Variants in PECR observed in about 807,000 individuals in gnomAD.
PECR encodes peroxisomal trans-2-enoyl-CoA reductase.
Under a neutral mutation model 35.3 loss-of-function variants are expected in PECR, and 30 were observed. The observed-to-expected ratio is 0.85, with a 90% CI of 0.64 to 1.15. The LOEUF is 1.15. Among genes scored for constraint, PECR ranks in the 50% most tolerant of loss-of-function variants. PECR has a pLI of 0.00. For synonymous variants in PECR, 148 were observed against 138.9 expected (o/e 1.07, Z -0.46); for missense variants, 392 against 370.8 (o/e 1.06, Z -0.47).
At chr2:216,066,964 A>G (rs1695479929) in intron 1 of PECR, among the ~76,000 whole-genome samples, 1 of 152,182 alleles carries the variant, frequency 6.6e-6, no homozygotes, top group East Asian at 1.9e-4. Context: ...AAAAAATTGG[A>G]CAAAATATAT....
chr2:216,050,454 C>A (rs1328575952), intron 5 of PECR, among the ~76,000 whole-genome samples: 1 of 152,116 alleles, frequency 6.6e-6, no homozygotes, highest in Non-Finnish European at 1.5e-5. Flanking sequence ...AAAATTTGAT[C>A]ATTTAACCAA....
Position 216,038,754 on chromosome 2 carries a change from G to GT in PECR, c.*520dup, listed in dbSNP as rs908778362. On this transcript the variant is annotated 3_prime_UTR_variant, in exon 8 of 8. Transcript: ENST00000265322. ...GCCTCCCAAGTACCTGGGACTACAG[G>GT]TGTGTGCCACCACACCCGACTAATT... 9 of 164,788 alleles carry GT rather than the reference G, an allele frequency of 5.5e-5. No homozygotes were observed. Among genetic ancestry groups the GT allele is most frequent in the Non-Finnish European group, 1.2e-4 (9 of 75,844 alleles). The allele number at this position is 164,788 out of a possible 1,614,324, so 10.2% of individuals were successfully genotyped here.
intron 1 of PECR, among the ~76,000 whole-genome samples, chr2:216,079,250 G>A (rs961906103): frequency 1.4e-5 from 2 of 145,722 alleles, no homozygotes; most frequent in Admixed American, 6.9e-5. Context: ...TAATTTAGAT[G>A]TTCATTAAAA....
downstream of PECR, chr2:216,034,191 C>A (rs1300624915): frequency 6.6e-6 from 1 of 152,160 alleles, no homozygotes; most frequent in Non-Finnish European, 1.5e-5. Context: ...TGAGCCAAGC[C>A]CCAGGTCATG....
In PECR at chr2:216,081,693, G is replaced by A; in HGVS notation, c.49C>T (p.Gln17Ter). ...GRSYLAPGLL[Q>*]GQVAIVTGGA... ...CCGGTGACGATGGCCACTTGGCCCT[G>A]CAGCAAACCAGGCGCCAGGTAGCTC... Residue 17 changes from glutamine to a stop codon, truncating the protein, a stop_gained, in exon 1 of 8, where the codon CAG becomes TAG. Coordinates refer to ENST00000265322, the MANE Select transcript of PECR (RefSeq NM_018441.6). LOFTEE classifies it high-confidence loss of function. 6.2e-7 allele frequency: 1 copy of A among 1,613,656 alleles called. No homozygotes were observed. The highest frequency in any genetic ancestry group is 8.5e-7 in the Non-Finnish European group (1 of 1,179,922).
chr2:216,068,152 G>A (rs1249359562), intron 1 of PECR, among the ~76,000 whole-genome samples: 3 of 149,818 alleles, frequency 2.0e-5, no homozygotes, highest in Non-Finnish European at 4.4e-5. Flanking sequence ...GCTTGAACCC[G>A]GGAGGCAGAT....
intron 1 of PECR, among the ~76,000 whole-genome samples, chr2:216,071,101 G>T (rs771872256): frequency 3.3e-5 from 5 of 152,102 alleles, no homozygotes; most frequent in Non-Finnish European, 7.4e-5. Context: ...TGGGGGAACC[G>T]GGCCCATGGT....
intron 1 of PECR, 132 bp downstream of exon 1, chr2:216,081,486 C>T: frequency 4.6e-6 from 5 of 1,095,950 alleles, no homozygotes; most frequent in Non-Finnish European, 7.0e-6. Context: ...GTCGTAATTT[C>T]GCCCACACCT....
At chr2:216,047,720 C>T (rs921007800) in intron 6 of PECR, among the ~76,000 whole-genome samples, 1 of 151,806 alleles carries the variant, frequency 6.6e-6, no homozygotes, top group Non-Finnish European at 1.5e-5. Context: ...GTAATCCTCC[C>T]ATTATTCATT....
At chr2:216,064,869 CCACG>C (rs1695432314) in intron 3 of PECR, among the ~76,000 whole-genome samples, 1 of 152,090 alleles carries the variant, frequency 6.6e-6, no homozygotes, top group Non-Finnish European at 1.5e-5. Context: ...TACTAACCAC[CCACG>C]AAACATGACC....
At chr2:216,077,769 T>G (rs1410518234) in intron 1 of PECR, among the ~76,000 whole-genome samples, 1 of 143,970 alleles carries the variant, frequency 6.9e-6, no homozygotes, top group Non-Finnish European at 1.5e-5. Context: ...ATCGTGCCAC[T>G]GTACTCCAGC....
chr2:216,038,112 A>G (rs1303741879), downstream of PECR, among the ~76,000 whole-genome samples: 3 of 151,826 alleles, frequency 2.0e-5, no homozygotes, highest in East Asian at 1.9e-4. Flanking sequence ...TAAATAAATA[A>G]AGTGAGTGTT....
chr2:216,076,924 G>A (rs1470847292), intron 1 of PECR, among the ~76,000 whole-genome samples: 5 of 139,360 alleles, frequency 3.6e-5, no homozygotes, highest in Non-Finnish European at 7.7e-5. Flanking sequence ...TTTTTGAGAT[G>A]GAGTTTCGCT....
At chr2:216,056,868 G>A (rs956575553) in intron 4 of PECR, among the ~76,000 whole-genome samples, 1 of 151,964 alleles carries the variant, frequency 6.6e-6, no homozygotes, top group Non-Finnish European at 1.5e-5. Flanking sequence ...TTCTTACTAT[G>A]AGTCATGGTC....
intron 6 of PECR, among the ~76,000 whole-genome samples, chr2:216,046,928 A>G (rs1695007782): frequency 6.6e-6 from 1 of 152,250 alleles, no homozygotes; most frequent in Non-Finnish European, 1.5e-5. Context: ...TATACCCATA[A>G]CAAGTTTCAG....
At chr2:216,075,460 A>AT (rs1466129674) in intron 1 of PECR, among the ~76,000 whole-genome samples, 2 of 152,058 alleles carry the variant, frequency 1.3e-5, no homozygotes, top group Non-Finnish European at 2.9e-5. Flanking sequence ...GGTAAAGCTC[A>AT]TTTTTTTCTT....
chr2:216,059,036 C>G (rs772984269), intron 3 of PECR, 60 bp from the exon 4 acceptor site: 3 of 989,534 alleles, frequency 3.0e-6, no homozygotes, highest in Non-Finnish European at 1.6e-6. Context: ...CCTCCTGATA[C>G]CTTGTTTCAG....
intron 6 of PECR, among the ~76,000 whole-genome samples, chr2:216,047,852 C>A (rs564074601): frequency 6.6e-6 from 1 of 152,100 alleles, no homozygotes; most frequent in South Asian, 2.1e-4. Context: ...TTGGTTCTCC[C>A]CATCAAGGAA....
intron 4 of PECR, among the ~76,000 whole-genome samples, chr2:216,057,372 A>G (rs1308135795): frequency 1.3e-5 from 2 of 152,194 alleles, no homozygotes; most frequent in Non-Finnish European, 2.9e-5. Flanking sequence ...AAATAAGAAG[A>G]AATCTCTTTA....
Sources: allele counts gnomAD v4.1 joint callset (sites outside exome capture counted in the v4.1 genomes callset), GRCh38; gene constraint gnomAD v4.1.1; transcripts MANE v1.5; gene names NCBI Gene and HGNC (gene_info 2026-07-23, HGNC 2026-07-21).